CSMD1: variants seen among roughly 807,000 people sequenced by gnomAD.
CSMD1 encodes CUB and Sushi multiple domains 1, also known as CUB and sushi domain-containing protein 1.
Under a neutral mutation model 417.5 loss-of-function variants are expected in CSMD1, and 213 were observed. The ratio of observed to expected loss-of-function variants is 0.51; its 90% CI spans 0.46 to 0.57. CSMD1 has a LOEUF of 0.57. Among genes scored for constraint, CSMD1 ranks in the 20% least tolerant of loss-of-function variants. The pLI, the probability that CSMD1 is intolerant of heterozygous loss-of-function variation, is 0.00. For synonymous variants in CSMD1, 2,862 were observed against 1,736.8 expected (o/e 1.65, Z -16.11); for missense variants, 6,923 against 4,529.7 (o/e 1.53, Z -15.17).
intron 7 of CSMD1, among the ~76,000 whole-genome samples, chr8:3,627,598 A>T (rs1053886876): frequency 6.6e-6 from 1 of 152,216 alleles, no homozygotes. Flanking sequence ...CTAATATTAT[A>T]TTCTATAGTG....
intron 2 of CSMD1, among the ~76,000 whole-genome samples, chr8:4,513,491 C>T (rs999193342): frequency 1.1e-4 from 16 of 152,104 alleles, no homozygotes; most frequent in Admixed American, 3.9e-4. Flanking sequence ...GATGAAATGT[C>T]GGACTGTAAC....
At chr8:4,491,809 G>A (rs1801718290) in intron 2 of CSMD1, among the ~76,000 whole-genome samples, 1 of 152,046 alleles carries the variant, frequency 6.6e-6, no homozygotes, top group Non-Finnish European at 1.5e-5. Context: ...GCAGACAAGT[G>A]GCAGTTTCTT....
chr8:4,472,997 C>A (rs1169528903), intron 2 of CSMD1, among the ~76,000 whole-genome samples: 13 of 151,852 alleles, frequency 8.6e-5, no homozygotes, highest in Non-Finnish European at 1.9e-4. Flanking sequence ...TATATGTACA[C>A]ATAAATTATA....
chr8:4,838,385 A>G (rs1563549322), intron 1 of CSMD1, among the ~76,000 whole-genome samples: 1 of 152,214 alleles, frequency 6.6e-6, no homozygotes, highest in East Asian at 1.9e-4. Context: ...AGAAAAATAA[A>G]TAGAAGATTG....
chr8:4,418,655 C>CA (rs747429241), intron 3 of CSMD1, among the ~76,000 whole-genome samples: 60 of 152,130 alleles, frequency 3.9e-4, no homozygotes, highest in Middle Eastern at 3.4e-3. Context: ...TAATATTCTG[C>CA]AAAAAATGAA....
intron 11 of CSMD1, among the ~76,000 whole-genome samples, chr8:3,470,814 C>A (rs569489412): frequency 6.6e-6 from 1 of 152,252 alleles, no homozygotes; most frequent in East Asian, 1.9e-4. Context: ...TAGCTTAATT[C>A]CTGGAAGATT....
chr8:3,278,048 G>T (rs746982528), intron 26 of CSMD1, among the ~76,000 whole-genome samples: 4 of 152,202 alleles, frequency 2.6e-5, no homozygotes, highest in Admixed American at 2.6e-4. Flanking sequence ...GAGACCCAAG[G>T]ACAAGCCCTC....
At chr8:4,726,642 T>A (rs1809475030) in intron 1 of CSMD1, among the ~76,000 whole-genome samples, 1 of 152,184 alleles carries the variant, frequency 6.6e-6, no homozygotes, top group Admixed American at 6.5e-5. Flanking sequence ...TATTTCAAGG[T>A]ACTTCATCAT....
chr8:3,413,379 G>A (rs1264931276), intron 12 of CSMD1, among the ~76,000 whole-genome samples: 1 of 152,150 alleles, frequency 6.6e-6, no homozygotes, highest in Non-Finnish European at 1.5e-5. Flanking sequence ...AGAGACCTGT[G>A]GTTAGCTGAT....
intron 12 of CSMD1, among the ~76,000 whole-genome samples, chr8:3,440,282 A>C (rs889708012): frequency 3.3e-5 from 5 of 152,202 alleles, no homozygotes; most frequent in Admixed American, 2.0e-4. Flanking sequence ...ATACATGAAC[A>C]TACTATATCT....
chr8:3,664,435 C>A (rs1434117666), intron 7 of CSMD1, among the ~76,000 whole-genome samples: 2 of 152,298 alleles, frequency 1.3e-5, no homozygotes, highest in Non-Finnish European at 1.5e-5. Flanking sequence ...CCATGTTATT[C>A]TGGGCAAAAT....
intron 3 of CSMD1, among the ~76,000 whole-genome samples, chr8:4,323,688 A>G (rs531830214): frequency 6.6e-6 from 1 of 152,312 alleles, no homozygotes; most frequent in South Asian, 2.1e-4. Flanking sequence ...TATATAGGAA[A>G]TGTATAAAAT....
chr8:3,389,598 G>C (rs1811222183), intron 17 of CSMD1, among the ~76,000 whole-genome samples: 1 of 151,726 alleles, frequency 6.6e-6, no homozygotes, highest in Non-Finnish European at 1.5e-5. Context: ...AACAGTAATA[G>C]GAACGATTAT....
In CSMD1 at chr8:4,597,093, G is replaced by C. The variant is rs189038790; in HGVS notation, c.302+40249C>G. On this transcript the variant is annotated intron_variant, in intron 2 of 69. Coordinates refer to ENST00000635120, the MANE Select transcript of CSMD1 (RefSeq NM_033225.6). ...TGTCTTTTTCAGCAGCATGAAAACA[G>C]ACTAATACAACACACAATTTTTTTT... Among the ~76,000 whole-genome samples, 29 of 135,300 alleles carry C rather than the reference G, an allele frequency of 2.1e-4. 1 individual carries two copies. 88.8% of individuals were successfully genotyped at this position (135,300 alleles called of 152,430 possible).
intron 3 of CSMD1, among the ~76,000 whole-genome samples, chr8:4,140,222 G>C (rs1051128258): frequency 2.4e-5 from 3 of 126,550 alleles, no homozygotes; most frequent in Non-Finnish European, 5.4e-5. Flanking sequence ...AATTCATCTG[G>C]ATATGAAGGC....
chr8:3,740,928 A>G (rs1796768508), intron 6 of CSMD1, among the ~76,000 whole-genome samples: 1 of 152,064 alleles, frequency 6.6e-6, no homozygotes, highest in South Asian at 2.1e-4. Context: ...AGAAGAAGAT[A>G]GAGGGGGCCA....
intron 5 of CSMD1, among the ~76,000 whole-genome samples, chr8:3,878,766 CT>C (rs1806004183): frequency 6.6e-6 from 1 of 152,106 alleles, no homozygotes; most frequent in Non-Finnish European, 1.5e-5. Context: ...GACAGTTATG[CT>C]TCCTGAGTTT....
At position 4,855,205 on chromosome 8, in the gene CSMD1, T is replaced by A. The variant is rs1801724874; in HGVS notation, c.85+139127A>T. On this transcript the variant is annotated intron_variant, in intron 1 of 69. Coordinates refer to ENST00000635120, the MANE Select transcript of CSMD1 (RefSeq NM_033225.6). The stretch of plus-strand genomic sequence containing the variant: ...CCAACAGACCTGCAGCTGACGGTCC[T>A]CTTTGTTAGAAGAAAAACTAACAAA... Among the ~76,000 whole-genome samples the A allele has an allele frequency of 1.3e-5, 2 of 149,678 alleles. 1 individual carries two copies. Among genetic ancestry groups the A allele is most frequent in the East Asian group, 4.7e-4 (2 of 4,254 alleles).
At chr8:4,135,820 T>G (rs1173702465) in intron 3 of CSMD1, among the ~76,000 whole-genome samples, 1 of 152,136 alleles carries the variant, frequency 6.6e-6, no homozygotes, top group Non-Finnish European at 1.5e-5. Flanking sequence ...TTTTAAACAA[T>G]GGGATAGATG....
Sources: allele counts gnomAD v4.1 joint callset (sites outside exome capture counted in the v4.1 genomes callset), GRCh38; gene constraint gnomAD v4.1.1; transcripts MANE v1.5; gene names NCBI Gene and HGNC (gene_info 2026-07-23, HGNC 2026-07-21).